Variants in MSI2 observed in about 807,000 individuals in gnomAD.
MSI2 encodes the protein musashi RNA binding protein 2.
In MSI2, 17 loss-of-function variants were observed where a neutral mutation model predicts 45.6. That is an observed-to-expected ratio of 0.37 (90% CI 0.26 to 0.56). The LOEUF (loss-of-function observed/expected upper bound fraction) is 0.56, where lower values mean the gene tolerates loss of function less well. MSI2 is among the 20% of genes least tolerant of loss of function. The pLI, the probability that MSI2 is intolerant of heterozygous loss-of-function variation, is 0.77. For missense variants in MSI2, 293 were observed against 444.2 expected (o/e 0.66, Z 3.06); for synonymous variants, 156 against 158.2 (o/e 0.99, Z 0.11).
chr17:57,289,322 A>C (rs1910200661), intron 5 of MSI2, among the ~76,000 whole-genome samples: 1 of 151,780 alleles, frequency 6.6e-6, no homozygotes. Flanking sequence ...ATGACTCTGC[A>C]CTCCTGGGCT....
At chr17:57,359,701 G>A (rs1017224578) in intron 5 of MSI2, among the ~76,000 whole-genome samples, 7 of 152,196 alleles carry the variant, frequency 4.6e-5, no homozygotes, top group African/African-American at 7.2e-5. Flanking sequence ...CTTCCCTTTC[G>A]GAAATCCCAA....
chr17:57,262,066 T>G, intron 4 of MSI2, 85 bp from the exon 5 acceptor site: 1 of 1,399,010 alleles, frequency 7.1e-7, no homozygotes, highest in Non-Finnish European at 1.0e-6. Context: ...GCCTGAGAAA[T>G]GAGTGATTAA....
chr17:57,330,534 C>T (rs1427567363), intron 5 of MSI2, among the ~76,000 whole-genome samples: 1 of 152,124 alleles, frequency 6.6e-6, no homozygotes. Context: ...CTGCCTCGGC[C>T]TCCCAAAGTG....
chr17:57,523,852 T>C (rs1023083123), intron 6 of MSI2, among the ~76,000 whole-genome samples: 6 of 152,262 alleles, frequency 3.9e-5, no homozygotes, highest in Non-Finnish European at 8.8e-5. Flanking sequence ...TATCTTCTGA[T>C]TACAAGCTTT....
rs548853216 is a variant in MSI2, at chr17:57,405,512, A to G, written c.405+4041A>G. Among the ~76,000 whole-genome samples the G allele has an allele frequency of 5.3e-4, 81 of 152,346 alleles. No individual in the cohort carries two copies. In the Middle Eastern group the frequency reaches 0.017, roughly 32 times the overall value. On this transcript the variant is annotated intron_variant, in intron 6 of 13. Coordinates refer to ENST00000284073, the MANE Select transcript of MSI2 (RefSeq NM_138962.4). ...GGATAGATTATAATCTAAGGTATCT[A>G]TAGGCTATAACCAAAATAATACGTT...
intron 5 of MSI2, among the ~76,000 whole-genome samples, chr17:57,285,551 T>C (rs1316032595): frequency 6.6e-6 from 1 of 152,160 alleles, no homozygotes; most frequent in African/African-American, 2.4e-5. Context: ...GAGGCTGGGG[T>C]GTGGGGAAAG....
intron 6 of MSI2, chr17:57,440,620 G>C (rs1429816856): frequency 6.6e-6 from 1 of 152,236 alleles, no homozygotes; most frequent in Admixed American, 6.5e-5. Flanking sequence ...GGCTGCCATG[G>C]GACTTGAATG....
In MSI2 at chr17:57,681,653, C is replaced by G. The variant is rs1028714957; in HGVS notation, c.*2136C>G. The G allele has an allele frequency of 5.3e-5, 10 of 186,950 alleles. No homozygotes were observed. The highest frequency in any genetic ancestry group is 2.2e-5 in the Non-Finnish European group (2 of 88,948). 11.6% of individuals were successfully genotyped at this position (186,950 alleles called of 1,614,324 possible). Reference sequence around the variant, plus strand: ...TTTTAATTAAAAAAAAAATCATGTTCTTTGTTTTTCTAATAAAATGTTAGG... The same window carrying G: ...TTTTAATTAAAAAAAAAATCATGTTGTTTGTTTTTCTAATAAAATGTTAGG... On this transcript the variant is annotated 3_prime_UTR_variant, in exon 14 of 14. Coordinates refer to ENST00000284073, the MANE Select transcript of MSI2 (RefSeq NM_138962.4).
chr17:57,388,012 G>A (rs927848189), intron 5 of MSI2, among the ~76,000 whole-genome samples: 5 of 152,244 alleles, frequency 3.3e-5, no homozygotes, highest in African/African-American at 1.2e-4. Flanking sequence ...GGTTGCCTGA[G>A]TTTGTCCTCT....
At chr17:57,417,173 C>T (rs2084310842) in intron 6 of MSI2, among the ~76,000 whole-genome samples, 2 of 152,154 alleles carry the variant, frequency 1.3e-5, no homozygotes, top group African/African-American at 4.8e-5. Flanking sequence ...TCTTCATGTG[C>T]CTCAATGCCA....
chr17:57,256,994 C>G (rs1369550953), intron 1 of MSI2, 104 bp from the exon 2 acceptor site: 3 of 1,535,654 alleles, frequency 2.0e-6, no homozygotes, highest in Non-Finnish European at 1.8e-6. Flanking sequence ...TCCCGGCTCT[C>G]GCTCGCTCGC....
chr17:57,332,132 A>T (rs1914326646), intron 5 of MSI2, among the ~76,000 whole-genome samples: 2 of 139,276 alleles, frequency 1.4e-5, no homozygotes, highest in Non-Finnish European at 3.0e-5. Context: ...ATGGAGTCTC[A>T]CTCTGTCACC....
At chr17:57,460,975 C>T (rs1183445532) in intron 6 of MSI2, among the ~76,000 whole-genome samples, 3 of 152,170 alleles carry the variant, frequency 2.0e-5, no homozygotes, top group Non-Finnish European at 4.4e-5. Flanking sequence ...AGAATCCCTC[C>T]TTGCAGAGGC....
chr17:57,476,573 G>A (rs147840996), intron 6 of MSI2, among the ~76,000 whole-genome samples: 3 of 152,320 alleles, frequency 2.0e-5, no homozygotes, highest in Non-Finnish European at 4.4e-5. Context: ...CAGTACAGAG[G>A]TTTCTGGTTG....
intron 6 of MSI2, among the ~76,000 whole-genome samples, chr17:57,494,524 G>A (rs1482335097): frequency 6.6e-6 from 1 of 152,168 alleles, no homozygotes; most frequent in African/African-American, 2.4e-5. Flanking sequence ...CCTGCGTTTG[G>A]TCTTAGCAGT....
chr17:57,662,080 A>G (rs779699179), intron 11 of MSI2, among the ~76,000 whole-genome samples: 2 of 152,218 alleles, frequency 1.3e-5, no homozygotes, highest in Non-Finnish European at 2.9e-5. Flanking sequence ...AGTAATTACT[A>G]TGCAATTAGA....
At chr17:57,393,666 A>ATGTT (rs1253806739) in intron 5 of MSI2, among the ~76,000 whole-genome samples, 5 of 151,956 alleles carry the variant, frequency 3.3e-5, no homozygotes, top group African/African-American at 1.2e-4. Flanking sequence ...TGGTAACACT[A>ATGTT]TGTTTGTTTA....
chr17:57,444,670 GC>G (rs1170305686), intron 6 of MSI2: 1 of 152,176 alleles, frequency 6.6e-6, no homozygotes, highest in Non-Finnish European at 1.5e-5. Context: ...TTTCCACTAG[GC>G]CATCCTGTTT....
At chr17:57,345,382 A>G (rs959208914) in intron 5 of MSI2, among the ~76,000 whole-genome samples, 2 of 152,124 alleles carry the variant, frequency 1.3e-5, no homozygotes, top group East Asian at 1.9e-4. Flanking sequence ...CTGTTTCCCA[A>G]CCCCTGAGAG....
Sources: gnomAD v4.1 joint callset for allele counts (sites outside exome capture counted in the v4.1 genomes callset) on GRCh38, gnomAD v4.1.1 for gene constraint, MANE v1.5 for transcripts, NCBI Gene and HGNC (gene_info 2026-07-23, HGNC 2026-07-21) for gene names.